TFDP1: variants seen among roughly 807,000 people sequenced by gnomAD.
TFDP1 encodes transcription factor Dp-1.
A neutral mutation model predicts 48.0 loss-of-function variants in TFDP1; 6 were observed. That is an observed-to-expected ratio of 0.13 (90% CI 0.07 to 0.25). The LOEUF is 0.25. Among genes scored for constraint, TFDP1 ranks in the 10% least tolerant of loss-of-function variants. The probability of loss-of-function intolerance (pLI) is 1.00; values close to 1 mark genes in which losing one functional copy is unlikely to be tolerated. For missense variants in TFDP1, 335 were observed against 543.0 expected (o/e 0.62, Z 3.81); for synonymous variants, 201 against 211.6 (o/e 0.95, Z 0.44).
intron 3 of TFDP1, among the ~76,000 whole-genome samples, chr13:113,613,618 ATG>A (rs1202804890): frequency 2.9e-5 from 3 of 104,130 alleles, no homozygotes; most frequent in African/African-American, 1.1e-4. Flanking sequence ...ATGCGTGGGT[ATG>A]TGAGGAGTGT....
chr13:113,637,186 G>T (rs1349357238), intron 10 of TFDP1: 1 of 181,208 alleles, frequency 5.5e-6, no homozygotes, highest in Non-Finnish European at 1.2e-5. Context: ...CTGTTCTGGT[G>T]AATTCTTTCC....
Position 113,633,848 on chromosome 13 carries a change from C to T in TFDP1, c.475-42C>T. ...GTCTACAGTTTAAGGATCCACCGGC[C>T]TTTTTGGATCATTTGGAAACTCCAC... On this transcript the variant is annotated intron_variant, in intron 6 of 11. Transcript: ENST00000375370. This position sits in a 1 kb window ranked among gnomAD's most constrained non-coding sequence, Gnocchi z 4.5. 1 of 1,574,778 alleles carries T rather than the reference C, an allele frequency of 6.4e-7. No individual in the cohort carries two copies. Among genetic ancestry groups the T allele is most frequent in the Non-Finnish European group, 8.6e-7 (1 of 1,160,518 alleles).
At chr13:113,585,258 C>A (rs943295741) in intron 1 of TFDP1, 3 of 150,022 alleles carry the variant, frequency 2.0e-5, no homozygotes, top group African/African-American at 7.3e-5. Flanking sequence ...TTCCGGCGCG[C>A]GCGGGAGGCG....
At chr13:113,620,433 C>T (rs567002053) in intron 3 of TFDP1, among the ~76,000 whole-genome samples, 1 of 152,220 alleles carries the variant, frequency 6.6e-6, no homozygotes, top group Non-Finnish European at 1.5e-5. Flanking sequence ...AGGTCTGTTT[C>T]TTTCTTCACA....
chr13:113,634,185 CAGTCTTG>C (rs755950275), intron 7 of TFDP1, 152 bp downstream of exon 7: 15 of 1,107,718 alleles, frequency 1.4e-5, no homozygotes, highest in Non-Finnish European at 2.0e-5. Flanking sequence ...CTGCGTTTCT[CAGTCTTG>C]GCTGTCAGGG....
At chr13:113,609,850 C>A (rs1479088466) in intron 2 of TFDP1, among the ~76,000 whole-genome samples, 2 of 152,198 alleles carry the variant, frequency 1.3e-5, no homozygotes, top group African/African-American at 4.8e-5. Context: ...CCTGGGTACT[C>A]AAGCATGCTG....
At chr13:113,602,525 GTGCAA>G (rs2048463496) in intron 2 of TFDP1, among the ~76,000 whole-genome samples, 1 of 152,192 alleles carries the variant, frequency 6.6e-6, no homozygotes, top group Non-Finnish European at 1.5e-5. Context: ...TTAATGTGCA[GTGCAA>G]GTGTTTTCTG....
chr13:113,631,198 TC>T (rs1176374979), intron 4 of TFDP1, among the ~76,000 whole-genome samples: 1 of 152,210 alleles, frequency 6.6e-6, no homozygotes, highest in Non-Finnish European at 1.5e-5. Flanking sequence ...CTCATCCATA[TC>T]ACTAAAAGGA....
At chr13:113,637,791 A>T in intron 10 of TFDP1, 27 bp from the exon 11 acceptor site, 1 of 1,614,212 alleles carries the variant, frequency 6.2e-7, no homozygotes, top group Non-Finnish European at 8.5e-7. Context: ...TTTCATGACC[A>T]TTCGCTTATT....
chr13:113,601,917 A>T (rs1362459842), intron 2 of TFDP1, among the ~76,000 whole-genome samples: 1 of 132,938 alleles, frequency 7.5e-6, no homozygotes, highest in Admixed American at 7.5e-5. Flanking sequence ...GGACAGAGCT[A>T]CTCCCTCTGT....
intron 11 of TFDP1, 98 bp from the exon 12 acceptor site, chr13:113,640,022 T>G: frequency 1.1e-6 from 1 of 886,488 alleles, no homozygotes. Context: ...AACCCACACC[T>G]GTGGGGCACA....
In TFDP1 at chr13:113,594,106, G is replaced by A. The variant is rs1317085991; in HGVS notation, c.12+8257G>A. ...TGCCCAGGTGACAGGTGTGGTGTAC[G>A]TGGGTCCTCAGCCCTGCCCAGGTGA... On this transcript the variant is annotated intron_variant, in intron 2 of 11. Coordinates refer to ENST00000375370, the MANE Select transcript of TFDP1 (RefSeq NM_007111.5). 1.9e-4 allele frequency among the ~76,000 whole-genome samples: 26 copies of A among 135,090 alleles called. No individual in the cohort carries two copies. In the East Asian group the frequency reaches 3.9e-3, roughly 20 times the overall value. The allele number at this position is 135,090 out of a possible 152,430, so 88.6% of individuals were successfully genotyped here.
chr13:113,611,911 C>G (rs142809203), intron 3 of TFDP1, among the ~76,000 whole-genome samples: 1 of 152,166 alleles, frequency 6.6e-6, no homozygotes, highest in Non-Finnish European at 1.5e-5. Context: ...GTGCCCTGGT[C>G]GCAACATCCA....
intron 4 of TFDP1, among the ~76,000 whole-genome samples, chr13:113,626,268 A>G (rs2049177333): frequency 6.6e-6 from 1 of 152,132 alleles, no homozygotes; most frequent in Non-Finnish European, 1.5e-5. Flanking sequence ...CTTTGGTCTA[A>G]TCATGTTTTC....
At chr13:113,634,718 T>TAA (rs1372834561) in intron 8 of TFDP1, 116 bp downstream of exon 8, 9 of 762,482 alleles carry the variant, frequency 1.2e-5, no homozygotes, top group Non-Finnish European at 1.9e-5. Flanking sequence ...ATGACTGCTC[T>TAA]AAGATTCTGA....
rs1206982714 is a variant in TFDP1 at position 113,623,804 on chromosome 13, GCGCATCCCCCCTCCC to G, written c.186+520_186+534del. The stretch of plus-strand genomic sequence containing the variant: ...AGGGGAAGGTGGGCATTGGGAAGTG[GCGCATCCCCCCTCCC>G]CAGGCTGATGCTGGCCAACTGATGC... On this transcript the variant is annotated intron_variant, in intron 4 of 11. Transcript: ENST00000375370. This position sits in a 1 kb window ranked among gnomAD's most constrained non-coding sequence, Gnocchi z 5.2. Among the ~76,000 whole-genome samples the G allele has an allele frequency of 1.3e-5, 2 of 152,180 alleles. No homozygotes were observed. The highest frequency in any genetic ancestry group is 2.9e-5 in the Non-Finnish European group (2 of 68,028).
chr13:113,604,880 T>G (rs1390827983), intron 2 of TFDP1, among the ~76,000 whole-genome samples: 2 of 152,156 alleles, frequency 1.3e-5, no homozygotes, highest in African/African-American at 2.4e-5. Context: ...TTTACTGCTG[T>G]GTGCAGGCCC....
At chr13:113,603,378 G>A (rs1027361169) in intron 2 of TFDP1, among the ~76,000 whole-genome samples, 2 of 152,240 alleles carry the variant, frequency 1.3e-5, no homozygotes, top group African/African-American at 4.8e-5. Context: ...CCCGGGCAGC[G>A]CCTCCATCCT....
chr13:113,614,025 C>A (rs1594470975), intron 3 of TFDP1, among the ~76,000 whole-genome samples: 1 of 130,036 alleles, frequency 7.7e-6, no homozygotes, highest in South Asian at 2.4e-4. Flanking sequence ...CAGTTGTGTG[C>A]GTGCGTTTGT....
Sources: allele counts gnomAD v4.1 joint callset (sites outside exome capture counted in the v4.1 genomes callset), GRCh38; gene constraint gnomAD v4.1.1; non-coding constraint Gnocchi (gnomAD v3.1); transcripts MANE v1.5; gene names NCBI Gene and HGNC (gene_info 2026-07-23, HGNC 2026-07-21).